PRPF6: variants seen among roughly 807,000 people sequenced by gnomAD.
PRPF6 encodes the protein pre-mRNA processing factor 6, also known as pre-mRNA-processing factor 6.
PRPF6 carries 42 observed loss-of-function variants against 118.3 expected under a neutral mutation model. That is an observed-to-expected ratio of 0.35 (90% CI 0.28 to 0.46). The LOEUF (loss-of-function observed/expected upper bound fraction) is 0.46. Ranked by LOEUF, PRPF6 falls within the 20% of genes least tolerant of loss-of-function variation. PRPF6 has a pLI of 1.00. For synonymous variants in PRPF6, 481 were observed against 485.1 expected (o/e 0.99, Z 0.11); for missense variants, 662 against 1,255.7 (o/e 0.53, Z 7.15).
chr20:64,025,232 T>C (rs1156798961), intron 14 of PRPF6, among the ~76,000 whole-genome samples: 2 of 152,198 alleles, frequency 1.3e-5, no homozygotes, highest in African/African-American at 4.8e-5. Flanking sequence ...GTTTAACCTT[T>C]CGCTCTCAGC....
rs565051864 is a variant in PRPF6, at chr20:64,000,583, C to CT, written c.1024-485dup. ...AAGTGGTGTTTCATTTTTTTTTTTT[C>CT]TTTTTTTTTGAGTCTCGCTCTGTTG... is the stretch of plus-strand genomic sequence containing the variant. On this transcript the variant is annotated intron_variant, in intron 8 of 20. Coordinates refer to ENST00000266079, the MANE Select transcript of PRPF6 (RefSeq NM_012469.4). Among the ~76,000 whole-genome samples the CT allele has an allele frequency of 7.0e-4, 87 of 124,772 alleles. 1 individual carries two copies. The South Asian group carries it at 0.015, about 21-fold the overall frequency. 81.9% of individuals were successfully genotyped at this position (124,772 alleles called of 152,430 possible).
At chr20:63,990,067 C>T (rs73626408) in intron 3 of PRPF6, among the ~76,000 whole-genome samples, 7 of 151,778 alleles carry the variant, frequency 4.6e-5, no homozygotes, top group East Asian at 3.9e-4. Flanking sequence ...TTGGCCAGGC[C>T]GGTCTTGAAC....
intron 3 of PRPF6, among the ~76,000 whole-genome samples, chr20:63,987,132 C>T (rs1174334358): frequency 4.4e-5 from 6 of 134,948 alleles, no homozygotes; most frequent in Non-Finnish European, 1.5e-5. Flanking sequence ...ATCATACCAC[C>T]ACACTTCAGC....
intron 19 of PRPF6, 147 bp from the exon 20 acceptor site, chr20:64,031,771 G>A: frequency 9.6e-7 from 1 of 1,047,064 alleles, no homozygotes; most frequent in Non-Finnish European, 1.5e-6. Flanking sequence ...TTCTGGATCA[G>A]CCGAGGCCCT....
intron 11 of PRPF6, among the ~76,000 whole-genome samples, chr20:64,014,970 T>G (rs932582871): frequency 6.6e-6 from 1 of 152,202 alleles, no homozygotes; most frequent in African/African-American, 2.4e-5. Context: ...CTTAACTTAG[T>G]GTGTTTTCAG....
chr20:63,995,493 C>A lies in PRPF6; in HGVS notation c.771+11C>A, dbSNP rs532242246. The A allele has an allele frequency of 6.2e-7, 1 of 1,614,008 alleles. No individual in the cohort carries two copies. Among genetic ancestry groups the A allele is most frequent in the Non-Finnish European group, 8.5e-7 (1 of 1,180,018 alleles). ...ATGAGGCTGAGCCAGGTGAGTTTGT[C>A]ACACAGCATTTTCCTGTGGACAGGT... is the stretch of plus-strand genomic sequence containing the variant. On this transcript the variant is annotated intron_variant, in intron 6 of 20. Transcript: ENST00000266079.
intron 3 of PRPF6, among the ~76,000 whole-genome samples, chr20:63,993,018 A>G (rs1306289060): frequency 2.6e-5 from 4 of 151,856 alleles, no homozygotes; most frequent in African/African-American, 4.8e-5. Context: ...GAGTTCGAGA[A>G]CAGCCTGGCC....
At chr20:63,993,840 C>G (rs193020220) in intron 4 of PRPF6, among the ~76,000 whole-genome samples, 224 of 151,828 alleles carry the variant, frequency 1.5e-3, no homozygotes, top group Admixed American at 3.4e-3. Context: ...ACCTTCACCT[C>G]CTAGGTTCAA....
intron 6 of PRPF6, among the ~76,000 whole-genome samples, chr20:63,998,623 C>T (rs897807256): frequency 3.9e-4 from 59 of 149,918 alleles, no homozygotes; most frequent in South Asian, 2.7e-3. Context: ...GGGCGGATCA[C>T]GAGGTCAGGA....
chr20:64,012,901 G>A (rs538667558), intron 11 of PRPF6, among the ~76,000 whole-genome samples: 6 of 150,892 alleles, frequency 4.0e-5, no homozygotes, highest in African/African-American at 1.2e-4. Flanking sequence ...ATACACCTAC[G>A]AGAGGAGGAC....
chr20:63,989,765 G>A (rs762285301), intron 3 of PRPF6, among the ~76,000 whole-genome samples: 4 of 151,780 alleles, frequency 2.6e-5, no homozygotes, highest in East Asian at 1.9e-4. Flanking sequence ...CATCCACCTC[G>A]GCCTCCCAAA....
rs906923186 is a variant in PRPF6, at chr20:63,988,868, C to CA, written c.359+3856dup. Reference sequence around the variant, plus strand: ...TGGGCAACAGAGTGAGACTCCGTCTCAAAAAAAAAAAAAGAAAAAGAAAAA... The same window carrying CA: ...TGGGCAACAGAGTGAGACTCCGTCTCAAAAAAAAAAAAAAGAAAAAGAAAAA... On this transcript the variant is annotated intron_variant, in intron 3 of 20. Coordinates refer to ENST00000266079, the MANE Select transcript of PRPF6 (RefSeq NM_012469.4). 9.4e-3 allele frequency among the ~76,000 whole-genome samples: 909 copies of CA among 97,016 alleles called. 3 individuals are homozygous for CA. Among genetic ancestry groups the CA allele is most frequent in the African/African-American group, 0.016 (416 of 25,916 alleles). 63.6% of individuals were successfully genotyped at this position (97,016 alleles called of 152,430 possible). A position where few individuals can be genotyped will look rare whatever the true frequency, so the allele number is the denominator to read the frequency against.
chr20:63,984,937 A>C lies in PRPF6; in HGVS notation c.271A>C (p.Ser91Arg). The C allele has an allele frequency of 6.2e-7, 1 of 1,613,858 alleles. No homozygotes were observed. Among genetic ancestry groups the C allele is most frequent in the Non-Finnish European group, 8.5e-7 (1 of 1,179,804 alleles). ...FNGYAGSLFS[S>R]GPYEKDDEEA... is the part of the protein sequence containing the mutation. The stretch of plus-strand genomic sequence containing the variant: ...TGGCTATGCTGGGAGCCTCTTCTCA[A>C]GTGGACCCTACGAGAAAGATGATGA... Residue 91 changes from serine to arginine, a missense_variant, in exon 3 of 21, where the codon AGT (serine) becomes CGT (arginine). Transcript: ENST00000266079.
intron 9 of PRPF6, among the ~76,000 whole-genome samples, chr20:64,006,731 T>A (rs550571938): frequency 6.6e-6 from 1 of 152,284 alleles, no homozygotes; most frequent in East Asian, 1.9e-4. Context: ...CAGACATCAC[T>A]GTTTATTCCT....
intron 7 of PRPF6, 136 bp from the exon 8 acceptor site, chr20:63,999,467 G>A (rs144977990): frequency 8.3e-7 from 1 of 1,207,270 alleles, no homozygotes. Flanking sequence ...CTGAGGTTTT[G>A]AGTTGGTTTT....
chr20:64,001,185 A>G lies in PRPF6; in HGVS notation c.1132A>G (p.Arg378Gly). Residue 378 changes from arginine (R) to glycine (G), a missense_variant, in exon 9 of 21, where the codon AGA becomes GGA. By Grantham distance (125) the Arg-to-Gly change is moderately radical. This residue lies in a region of PRPF6 where 189 missense variants were observed against 323.5 expected (regional missense o/e 0.58). Transcript: ENST00000266079. ...CCCACAGTCTGTCAGGATTTACATC[A>G]GAGCCGCAGAGCTGGAAACGGACAT... is the stretch of plus-strand genomic sequence containing the variant. ...HLPQSVRIYI[R>G]AAELETDIRA... 2.5e-6 allele frequency: 4 copies of G among 1,614,224 alleles called. No individual in the cohort carries two copies. The highest frequency in any genetic ancestry group is 3.4e-6 in the Non-Finnish European group (4 of 1,180,034).
rs1371663774 is a variant in PRPF6, at chr20:64,011,636, G to A, written c.1524+133G>A. Reference sequence around the variant, plus strand: ...CCAAACCAGAAGCAGGCACAGGTGTGAATGGGCCCTGAGGGACCTGGGCAT... The same window carrying A: ...CCAAACCAGAAGCAGGCACAGGTGTAAATGGGCCCTGAGGGACCTGGGCAT... On this transcript the variant is annotated intron_variant, in intron 11 of 20. Coordinates refer to ENST00000266079, the MANE Select transcript of PRPF6 (RefSeq NM_012469.4). This position sits in a 1 kb window ranked among gnomAD's most constrained non-coding sequence, Gnocchi z 6.7. 3.9e-6 allele frequency: 4 copies of A among 1,028,570 alleles called. No homozygotes were observed. The highest frequency in any genetic ancestry group is 5.8e-6 in the Non-Finnish European group (4 of 687,324). The allele number at this position is 1,028,570 out of a possible 1,614,324, so 63.7% of individuals were successfully genotyped here.
chr20:63,991,008 T>A (rs941649165), intron 3 of PRPF6, among the ~76,000 whole-genome samples: 1 of 151,918 alleles, frequency 6.6e-6, no homozygotes, highest in Non-Finnish European at 1.5e-5. Flanking sequence ...ACTCCTGGCC[T>A]CAAGTGATCC....
At chr20:63,995,114 C>T (rs969243395) in intron 5 of PRPF6, 22 bp downstream of exon 5, 1 of 1,614,004 alleles carries the variant, frequency 6.2e-7, no homozygotes, top group Non-Finnish European at 8.5e-7. Context: ...AAAAAGGGCA[C>T]ATGTGGCCCA....
Sources: gnomAD v4.1 joint callset for allele counts (sites outside exome capture counted in the v4.1 genomes callset) on GRCh38, gnomAD v4.1.1 for gene constraint, gnomAD v4.1.1 regional missense constraint, Gnocchi (gnomAD v3.1) non-coding constraint, MANE v1.5 for transcripts, NCBI Gene and HGNC (gene_info 2026-07-23, HGNC 2026-07-21) for gene names.